Variants in MYH7 observed in about 807,000 individuals in gnomAD.
MYH7 encodes myosin-7.
In MYH7, 129 loss-of-function variants were observed where a neutral mutation model predicts 225.4. That is an observed-to-expected ratio of 0.57 (90% confidence interval 0.50 to 0.66). The LOEUF (loss-of-function observed/expected upper bound fraction) is 0.66. MYH7 is among the 30% of genes least tolerant of loss of function. The probability of loss-of-function intolerance (pLI) is 0.00; values close to 1 mark genes in which losing one functional copy is unlikely to be tolerated. For synonymous variants in MYH7, 971 were observed against 1,007.6 expected (o/e 0.96, Z 0.69); for missense variants, 1,649 against 2,517.0 (o/e 0.66, Z 7.38).
Position 23,421,010 on chromosome 14 carries a change from T to G in MYH7, c.3284A>C (p.Glu1095Ala). The G allele has an allele frequency of 6.2e-7, 1 of 1,612,864 alleles. No individual in the cohort carries two copies. Among genetic ancestry groups the G allele is most frequent in the Non-Finnish European group, 8.5e-7 (1 of 1,180,016 alleles). The change falls in exon 26 of 40, where the codon GAG becomes GCG. Residue 1095 changes from glutamate to alanine, a missense_variant. Glu to Ala is a moderately radical substitution (Grantham distance 107). Around this residue, in one of 12 missense-constraint regions of MYH7, gnomAD observed 282 missense variants for 315.3 expected, o/e 0.89. Transcript: ENST00000355349. ...FELNALNARI[E>A]DEQALGSQLQ... is the part of the protein sequence containing the mutation. Reference sequence around the variant, plus strand: ...CTGGCTGCCGAGGGCCTGTTCATCCTCAATCCTTGCGTTGAGAGCATTCAG... The same window carrying G: ...CTGGCTGCCGAGGGCCTGTTCATCCGCAATCCTTGCGTTGAGAGCATTCAG...
rs776299445 is a variant in MYH7, at chr14:23,427,912, A to G, written c.1579-18T>C. On this transcript the variant is annotated intron_variant, in intron 15 of 39. Coordinates refer to ENST00000355349, the MANE Select transcript of MYH7 (RefSeq NM_000257.4). Reference sequence around the variant, plus strand: ...CCCATGGGCTGAGGAAGCAGGAGAGAGCATCACTGAGTGTCCTTCACACAG... The same window carrying G: ...CCCATGGGCTGAGGAAGCAGGAGAGGGCATCACTGAGTGTCCTTCACACAG... 3 of 1,613,920 alleles carry G rather than the reference A, an allele frequency of 1.9e-6. No individual in the cohort carries two copies. Among genetic ancestry groups the G allele is most frequent in the Non-Finnish European group, 2.5e-6 (3 of 1,179,924 alleles).
Position 23,417,285 on chromosome 14 carries a change from A to T in MYH7, c.4387T>A (p.Ser1463Thr). The T allele has an allele frequency of 6.2e-7, 1 of 1,613,324 alleles. No homozygotes were observed. Among genetic ancestry groups the T allele is most frequent in the Non-Finnish European group, 8.5e-7 (1 of 1,179,836 alleles). The change falls in exon 32 of 40, where the codon TCG becomes ACG. Residue 1463 changes from serine (S) to threonine (T), a missense_variant. Around this residue, in one of 12 missense-constraint regions of MYH7, gnomAD observed 687 missense variants for 913.8 expected, o/e 0.75. Coordinates refer to ENST00000355349, the MANE Select transcript of MYH7 (RefSeq NM_000257.4). ...LAEWKQKYEE[S>T]QSELESSQKE... ...TGCGAGGACTCCAGCTCCGACTGCG[A>T]CTCCTCATACTTCTGCTTCCACTCG...
chr14:23,416,842 A>C, intron 33 of MYH7, 26 bp downstream of exon 33: 5 of 1,613,920 alleles, frequency 3.1e-6, no homozygotes, highest in African/African-American at 1.3e-5. Context: ...AGCTCCCTGC[A>C]CCCCGTGCCC....
chr14:23,413,177 G>T (rs961752791), intron 39 of MYH7, among the ~76,000 whole-genome samples: 1 of 152,190 alleles, frequency 6.6e-6, no homozygotes, highest in African/African-American at 2.4e-5. Context: ...AGGTGGAAGG[G>T]AACTGGAAAC....
chr14:23,419,944 G>A lies in MYH7; in HGVS notation c.3627C>T (p.Asn1209=). The A allele has an allele frequency of 6.2e-7, 1 of 1,610,168 alleles. No individual in the cohort carries two copies. Among genetic ancestry groups the A allele is most frequent in the Middle Eastern group, 1.8e-4 (1 of 5,508 alleles). The part of the protein sequence containing the change: ...SVAELGEQID[N]LQRVKQKLEK... ...CCAGCTTCTGCTTCACCCGCTGCAG[G>A]TTGTCGATCTGCTCGCCCAGCTCGG... Residue 1209 remains asparagine (N), a synonymous_variant, in exon 27 of 40, where the codon AAC becomes AAT. Coordinates refer to ENST00000355349, the MANE Select transcript of MYH7 (RefSeq NM_000257.4).
chr14:23,414,947 CT>C, intron 37 of MYH7, 47 bp downstream of exon 37: 1 of 1,601,524 alleles, frequency 6.2e-7, no homozygotes, highest in East Asian at 2.2e-5. Context: ...CTGGTTGTCA[CT>C]GTGGCTATGG....
Position 23,424,667 on chromosome 14 carries a change from C to A in MYH7, c.2679+102G>T, listed in dbSNP as rs1458516831. On this transcript the variant is annotated intron_variant, in intron 22 of 39. Coordinates refer to ENST00000355349, the MANE Select transcript of MYH7 (RefSeq NM_000257.4). ...AAGTGTTGATCCCAGAGTCCTCTGA[C>A]TGAAGGAACAAGACAGTGAGCCCCT... The A allele has an allele frequency of 3.1e-6, 5 of 1,588,696 alleles. No individual in the cohort carries two copies. In the African/African-American group the frequency reaches 4.0e-5, roughly 13 times the overall value.
rs1219572407 is a variant in MYH7 at position 23,417,160 on chromosome 14, G to A, written c.4512C>T (p.Asn1504=). ...HLETFKRENK[N]LQEEISDLTE... ...CTTGGGCCCCCAGCACACCCTGCAG[G>A]TTTTTGTTCTCCCGCTTGAAGGTCT... Residue 1504 remains asparagine, a synonymous_variant, in exon 32 of 40, where the codon AAC becomes AAT. Transcript: ENST00000355349. The A allele has an allele frequency of 1.9e-6, 3 of 1,614,030 alleles. No individual in the cohort carries two copies. The highest frequency in any genetic ancestry group is 2.5e-6 in the Non-Finnish European group (3 of 1,180,034).
Position 23,429,363 on chromosome 14 carries a change from A to G in MYH7, c.1139-16T>C. 6.2e-7 allele frequency: 1 copy of G among 1,608,046 alleles called. No homozygotes were observed. Among genetic ancestry groups the G allele is most frequent in the East Asian group, 2.2e-5 (1 of 44,864 alleles). On this transcript the variant is annotated splice_polypyrimidine_tract_variant and intron_variant, in intron 12 of 39. Transcript: ENST00000355349. ...TTGTCAGCCTCTGGAAGGAAAAGGC[A>G]AGTAGCAAAGTTGGTAAAGAGATGA...
In MYH7 at chr14:23,414,976, G is replaced by T. The variant is rs201742040; in HGVS notation, c.5559+19C>A. 1 of 1,603,962 alleles carries T rather than the reference G, an allele frequency of 6.2e-7. No homozygotes were observed. The highest frequency in any genetic ancestry group is 8.5e-7 in the Non-Finnish European group (1 of 1,179,980). ...GGCTATGGTGCCAGGGCTCTGCCTG[G>T]AGTCACCGCCCGTCGCACCTGGTAG... On this transcript the variant is annotated intron_variant, in intron 37 of 39. Transcript: ENST00000355349.
chr14:23,418,114 T>C, intron 30 of MYH7, 96 bp downstream of exon 30: 2 of 1,564,634 alleles, frequency 1.3e-6, no homozygotes, highest in South Asian at 1.1e-5. Flanking sequence ...AAACACTAGC[T>C]AAGCATCGCC....
intron 18 of MYH7, 116 bp from the exon 19 acceptor site, chr14:23,426,197 T>A: frequency 8.5e-7 from 1 of 1,179,254 alleles, no homozygotes; most frequent in Non-Finnish European, 1.2e-6. Flanking sequence ...TTAGTAATAA[T>A]CATTTGTTTC....
chr14:23,416,150 C>A lies in MYH7; in HGVS notation c.4807G>T (p.Ala1603Ser). ...GCCTCGTTGCGGCTGCGTGTCTCTGCGTCCAGGGAGGTCTGCAGCGAGTCC... is the reference window on the plus strand; with the variant it reads ...GCCTCGTTGCGGCTGCGTGTCTCTGAGTCCAGGGAGGTCTGCAGCGAGTCC... ...VVDSLQTSLD[A>S]ETRSRNEALR... The change falls in exon 34 of 40, where the codon GCA (alanine) becomes TCA (serine). Residue 1603 changes from alanine (A) to serine (S), a missense_variant. Transcript: ENST00000355349. 6.2e-7 allele frequency: 1 copy of A among 1,614,192 alleles called. No individual in the cohort carries two copies. Among genetic ancestry groups the A allele is most frequent in the African/African-American group, 1.3e-5 (1 of 75,050 alleles).
Position 23,419,466 on chromosome 14 carries a change from C to A in MYH7, c.3853+17G>T, listed in dbSNP as rs752477417. On this transcript the variant is annotated intron_variant, in intron 28 of 39. Transcript: ENST00000355349. ...GAGACTGTGGTGGGAACCATGGAGC[C>A]CCTGCTCTAGGCTCACCATTCTCGG... is the stretch of plus-strand genomic sequence containing the variant. 6.2e-7 allele frequency: 1 copy of A among 1,613,706 alleles called. No homozygotes were observed. Among genetic ancestry groups the A allele is most frequent in the South Asian group, 1.1e-5 (1 of 91,060 alleles).
At position 23,425,214 on chromosome 14, in the gene MYH7, T is replaced by A; in HGVS notation, c.2423+68A>T. The A allele has an allele frequency of 6.2e-7, 1 of 1,613,540 alleles. No individual in the cohort carries two copies. The highest frequency in any genetic ancestry group is 1.3e-5 in the African/African-American group (1 of 75,032). ...GTTTGAAGATCTGCTGAGCTTTTTT[T>A]CCTGACACTGCCCCTGAACCAGCCT... On this transcript the variant is annotated intron_variant, in intron 21 of 39. Coordinates refer to ENST00000355349, the MANE Select transcript of MYH7 (RefSeq NM_000257.4). The surrounding 1 kb of genome is among the most constrained non-coding windows in gnomAD (Gnocchi z 4.6).
chr14:23,422,632 CTTT>C lies in MYH7; in HGVS notation c.3100-310_3100-308del, dbSNP rs33928947. Among the ~76,000 whole-genome samples the C allele has an allele frequency of 0.011, 1,241 of 115,996 alleles. 4 individuals are homozygous for C. Among genetic ancestry groups the C allele is most frequent in the African/African-American group, 0.039 (1,178 of 30,194 alleles). 76.1% of individuals were successfully genotyped at this position (115,996 alleles called of 152,430 possible). ...TCTCTCCTTCCTTCCTTCCTTCCTC[CTTT>C]TTTTTTTTTTTTTTTTTATGGAGTC... On this transcript the variant is annotated intron_variant, in intron 24 of 39. Coordinates refer to ENST00000355349, the MANE Select transcript of MYH7 (RefSeq NM_000257.4).
At position 23,424,128 on chromosome 14, in the gene MYH7, C is replaced by A; in HGVS notation, c.2701G>T (p.Ala901Ser). The A allele has an allele frequency of 6.2e-7, 1 of 1,614,206 alleles. No individual in the cohort carries two copies. The highest frequency in any genetic ancestry group is 8.5e-7 in the Non-Finnish European group (1 of 1,180,048). ...ATCAGCTGATCACAGCGCTCCTCAG[C>A]ATCTGCCAGGTTGTCTTGTTCCTGA... is the stretch of plus-strand genomic sequence containing the variant. ...VQAEQDNLAD[A>S]EERCDQLIKN... Residue 901 changes from alanine (A) to serine (S), a missense_variant, in exon 23 of 40, where the codon GCT becomes TCT. Physicochemically the swap from Ala to Ser is moderately conservative, Grantham distance 99. Around this residue, in one of 12 missense-constraint regions of MYH7, gnomAD observed 282 missense variants for 315.3 expected, o/e 0.89. Coordinates refer to ENST00000355349, the MANE Select transcript of MYH7 (RefSeq NM_000257.4).
Position 23,430,679 on chromosome 14 carries a change from T to C in MYH7, c.896-16A>G, listed in dbSNP as rs770699475. ...AGCAGCATGTCTAGGGGAAAAAACA[T>C]GGTTAGGGTGGGACACAAGCCCCCG... On this transcript the variant is annotated splice_polypyrimidine_tract_variant and intron_variant, in intron 10 of 39. Coordinates refer to ENST00000355349, the MANE Select transcript of MYH7 (RefSeq NM_000257.4). 1.2e-6 allele frequency: 2 copies of C among 1,603,360 alleles called. No homozygotes were observed. The highest frequency in any genetic ancestry group is 1.7e-6 in the Non-Finnish European group (2 of 1,170,416).
Position 23,417,423 on chromosome 14 carries a change from G to A in MYH7, c.4353+80C>T, listed in dbSNP as rs1372659334. 2.5e-6 allele frequency: 4 copies of A among 1,611,712 alleles called. No homozygotes were observed. In the African/African-American group the frequency reaches 5.3e-5, roughly 22 times the overall value. On this transcript the variant is annotated intron_variant, in intron 31 of 39. Coordinates refer to ENST00000355349, the MANE Select transcript of MYH7 (RefSeq NM_000257.4). ...TCAGCCCTCCTCCCCCACCTCCAAG[G>A]AGGATGGCTCTGGCCTCTCACTGAA...
Sources: allele counts gnomAD v4.1 joint callset (sites outside exome capture counted in the v4.1 genomes callset), GRCh38; gene constraint gnomAD v4.1.1; regional missense constraint gnomAD v4.1.1; non-coding constraint Gnocchi (gnomAD v3.1); transcripts MANE v1.5; gene names NCBI Gene and HGNC (gene_info 2026-07-23, HGNC 2026-07-21).